The following CEP72 variants were observed in gnomAD, a reference collection of about 807,000 sequenced individuals.
The protein encoded by CEP72 is centrosomal protein of 72 kDa.
CEP72 carries 78 observed loss-of-function variants against 65.7 expected under a neutral mutation model. The ratio of observed to expected loss-of-function variants is 1.19; its 90% confidence interval spans 0.99 to 1.43. CEP72 has a LOEUF of 1.43. Among genes scored for constraint, CEP72 ranks in the 40% most tolerant of loss-of-function variants. CEP72 has a pLI of 0.00. For missense variants in CEP72, 914 were observed against 832.9 expected, an observed-to-expected ratio of 1.10 and a Z score of -1.20; for synonymous variants, 358 against 351.7, an observed-to-expected ratio of 1.02 and a Z score of -0.20.
At chr5:673,999 C>T in the CEP72 span, among the ~76,000 whole-genome samples, 5 of 152,354 alleles carry the variant, frequency 3.3e-5, no homozygotes, top group East Asian at 5.8e-4. Context: ...TTGAAAGCAA[C>T]TTTCTGCAGA....
chr5:635,630 A>T, intron 6 of CEP72, 46 bp downstream of exon 6: 1 of 1,398,234 alleles, frequency 7.2e-7, no homozygotes, highest in South Asian at 1.2e-5. Flanking sequence ...GTAACAGAAA[A>T]CCACAGACTG....
chr5:666,181 C>G, intron 4 of CEP72: 1 of 1,582,866 alleles, frequency 6.3e-7, no homozygotes, highest in Non-Finnish European at 8.6e-7. Context: ...CTGCCCTCCC[C>G]ACGCGTGGGT....
chr5:653,882 G>A (rs1739264361), downstream of CEP72, among the ~76,000 whole-genome samples: 1 of 152,214 alleles, frequency 6.6e-6, no homozygotes, highest in Non-Finnish European at 1.5e-5. Flanking sequence ...GTAAGACAAG[G>A]TCATTTTTTA....
At chr5:640,050 A>G (rs1737900241) in intron 8 of CEP72, among the ~76,000 whole-genome samples, 1 of 152,170 alleles carries the variant, frequency 6.6e-6, no homozygotes, top group Admixed American at 6.5e-5. Flanking sequence ...GGCCCAGGCC[A>G]CTGTCCCAGT....
Position 639,111 on chromosome 5 carries a change from C to T in CEP72, c.1229C>T (p.Ala410Val), listed in dbSNP as rs748889219. 3.8e-5 allele frequency: 62 copies of T among 1,613,280 alleles called. No homozygotes were observed. Among genetic ancestry groups the T allele is most frequent in the Non-Finnish European group, 4.8e-5 (57 of 1,179,902 alleles). The change falls in exon 8 of 12, where the codon GCT becomes GTT. Residue 410 changes from alanine to valine, a missense_variant. Physicochemically the swap from Ala to Val is moderately conservative, Grantham distance 64 (BLOSUM62 0). Coordinates refer to ENST00000264935, the MANE Select transcript of CEP72 (RefSeq NM_018140.4). Reference protein sequence around the residue: ...TREPSPGSHSALPGKKTALQA... With the variant: ...TREPSPGSHSVLPGKKTALQA... ...CAGCCGTCTCCCGGGTCACACTCGG[C>T]TCTACCCGGGAAGAAGACGGCCCTG...
At chr5:628,621 T>G (rs71585249) in intron 4 of CEP72, among the ~76,000 whole-genome samples, 41 of 96,960 alleles carry the variant, frequency 4.2e-4, no homozygotes, top group African/African-American at 1.1e-3. Flanking sequence ...CAGGTCGCAG[T>G]CCCCGGGGAG....
At chr5:669,532 A>G (rs961131184), downstream of CEP72, among the ~76,000 whole-genome samples, 1 of 152,044 alleles carries the variant, frequency 6.6e-6, no homozygotes, top group African/African-American at 2.4e-5. Context: ...CCTGTCTTCT[A>G]TTCCCACCCT....
chr5:646,907 C>T (rs1458429797), intron 10 of CEP72, among the ~76,000 whole-genome samples: 1 of 152,172 alleles, frequency 6.6e-6, no homozygotes, highest in Non-Finnish European at 1.5e-5. Context: ...CCCAAGGCTT[C>T]CTTGTCTCTG....
chr5:635,889 A>G (rs2455334), intron 6 of CEP72, among the ~76,000 whole-genome samples: 7,462 of 109,900 alleles, frequency 0.068, no homozygotes, highest in East Asian at 0.17. Context: ...ATCCTTTATC[A>G]GGAACCCAGC....
At chr5:673,990 T>G in the CEP72 span, among the ~76,000 whole-genome samples, 2 of 152,216 alleles carry the variant, frequency 1.3e-5, no homozygotes, top group African/African-American at 4.8e-5. Context: ...CGCCATAGTT[T>G]GAAAGCAACT....
intron 6 of CEP72, among the ~76,000 whole-genome samples, chr5:636,284 A>G (rs1191656112): frequency 6.6e-6 from 1 of 152,264 alleles, no homozygotes; most frequent in Admixed American, 6.5e-5. Flanking sequence ...ATTGAAATTT[A>G]TAATCCATTC....
At chr5:637,871 G>A (rs1737722027) in intron 7 of CEP72, 53 bp downstream of exon 7, 10 of 1,440,584 alleles carry the variant, frequency 6.9e-6, no homozygotes, top group Non-Finnish European at 8.3e-6. Context: ...CCCTAATGTG[G>A]GGCTGTTACG....
At chr5:663,601 G>A (rs989171515) in intron 2 of CEP72, 2 of 151,538 alleles carry the variant, frequency 1.3e-5, no homozygotes, top group African/African-American at 4.9e-5. Context: ...CGGAGCTGTG[G>A]CCGCAGCAGG....
At chr5:656,669 C>T (rs1739387675), downstream of CEP72, among the ~76,000 whole-genome samples, 1 of 152,164 alleles carries the variant, frequency 6.6e-6, no homozygotes, top group Admixed American at 6.5e-5. Flanking sequence ...TAGCTGTTTC[C>T]TCATTTTTAG....
intron 11 of CEP72, 152 bp from the exon 12 acceptor site, chr5:652,836 C>A: frequency 1.2e-6 from 1 of 842,912 alleles, no homozygotes; most frequent in Non-Finnish European, 1.8e-6. Flanking sequence ...GCCAGTGGGA[C>A]ACAGAAGGTG....
At position 623,958 on chromosome 5, in the gene CEP72, G is replaced by T. The variant is rs1365960454; in HGVS notation, c.404-513G>T. Among the ~76,000 whole-genome samples, 1 of 152,162 alleles carries T rather than the reference G, an allele frequency of 6.6e-6. No individual in the cohort carries two copies. The highest frequency in any genetic ancestry group is 1.9e-4 in the East Asian group (1 of 5,190). ...GTGTTGTAAGTTCCAAAGCGCCAAG[G>T]TTGAAGGCCTGGGGACCTTCTTATC... On this transcript the variant is annotated intron_variant, in intron 3 of 11. Transcript: ENST00000264935. This position sits in a 1 kb window ranked among gnomAD's most constrained non-coding sequence, Gnocchi z 5.3.
chr5:631,676 G>A (rs1267605918), intron 4 of CEP72, among the ~76,000 whole-genome samples: 5 of 58,224 alleles, frequency 8.6e-5, no homozygotes, highest in African/African-American at 3.6e-4. Flanking sequence ...GTCCAGTGCC[G>A]GGATTTAGAC....
the CEP72 span, among the ~76,000 whole-genome samples, chr5:672,517 TG>T: frequency 3.2e-3 from 481 of 152,308 alleles, 3 homozygotes; most frequent in African/African-American, 7.9e-3. Context: ...ATCGGCTGGG[TG>T]CCCCCACCTG....
downstream of CEP72, chr5:655,725 C>T (rs1036463582): frequency 2.0e-5 from 3 of 152,200 alleles, no homozygotes; most frequent in African/African-American, 7.2e-5. The surrounding 1 kb of genome is among the most constrained non-coding windows in gnomAD (Gnocchi z 5.0). Flanking sequence ...GTGTCTGCGG[C>T]TCATTGGGAT....
Sources: allele counts gnomAD v4.1 joint callset (sites outside exome capture counted in the v4.1 genomes callset), GRCh38; gene constraint gnomAD v4.1.1; non-coding constraint Gnocchi (gnomAD v3.1); transcripts MANE v1.5; gene names NCBI Gene and HGNC (gene_info 2026-07-23, HGNC 2026-07-21).